The following RPAP3 variants were observed in gnomAD, a reference collection of about 807,000 sequenced individuals.
RPAP3 encodes the protein RNA polymerase II associated protein 3.
A neutral mutation model predicts 88.8 loss-of-function variants in RPAP3; 58 were observed. The ratio of observed to expected loss-of-function variants is 0.65; its 90% CI spans 0.53 to 0.81. RPAP3 has a LOEUF of 0.81. Among genes scored for constraint, RPAP3 ranks in the 40% least tolerant of loss-of-function variants. The probability of loss-of-function intolerance (pLI) is 0.00; values close to 1 mark genes in which losing one functional copy is unlikely to be tolerated. For synonymous variants in RPAP3, 255 were observed against 259.9 expected (o/e 0.98, Z 0.18); for missense variants, 751 against 764.3 (o/e 0.98, Z 0.20).
chr12:47,701,645 C>G (rs1939656819), intron 2 of RPAP3, 41 bp from the exon 3 acceptor site: 2 of 1,423,850 alleles, frequency 1.4e-6, no homozygotes, highest in African/African-American at 2.9e-5. Context: ...GAGTATTATG[C>G]TCTGTTACTC....
intron 8 of RPAP3, among the ~76,000 whole-genome samples, chr12:47,687,669 T>G (rs2136630851): frequency 6.6e-6 from 1 of 152,286 alleles, no homozygotes; most frequent in East Asian, 1.9e-4. Context: ...TAAGTGTTTC[T>G]ATAGTTATTT....
intron 5 of RPAP3, among the ~76,000 whole-genome samples, chr12:47,690,957 A>G (rs1038402177): frequency 7.9e-5 from 12 of 152,238 alleles, no homozygotes; most frequent in African/African-American, 2.9e-4. Context: ...CTTTATGTCT[A>G]AATAACAATG....
In RPAP3 at chr12:47,679,512, G is replaced by A. The variant is rs1055715545; in HGVS notation, c.1268C>T (p.Pro423Leu). 2.2e-5 allele frequency: 35 copies of A among 1,600,552 alleles called. No homozygotes were observed. The highest frequency in any genetic ancestry group is 3.0e-5 in the Non-Finnish European group (35 of 1,171,530). Residue 423 changes from proline (P) to leucine (L), a missense_variant, in exon 12 of 17, where the codon CCA becomes CTA. Coordinates refer to ENST00000005386, the MANE Select transcript of RPAP3 (RefSeq NM_024604.3). ...ACTTACAGTTGATCCAGGATGCGGTGGATTATCAATGGGTTTTACCACATT... is the reference window on the plus strand; with the variant it reads ...ACTTACAGTTGATCCAGGATGCGGTAGATTATCAATGGGTTTTACCACATT... ...RQNVVKPIDN[P>L]PHPGSTKPLK...
chr12:47,687,849 T>A, intron 8 of RPAP3, 27 bp downstream of exon 8: 2 of 1,606,742 alleles, frequency 1.2e-6, no homozygotes, highest in South Asian at 2.2e-5. Flanking sequence ...AACATATACA[T>A]TGTACGTTGG....
Position 47,697,592 on chromosome 12 carries a change from A to C in RPAP3, c.417+5T>G, listed in dbSNP as rs749154118. ...GAAAAAAAACAAAACCTAACTAATTAGTACCTTTTCTTTTAAAACAAGAGC... is the reference window on the plus strand; with the variant it reads ...GAAAAAAAACAAAACCTAACTAATTCGTACCTTTTCTTTTAAAACAAGAGC... On this transcript the variant is annotated splice_donor_5th_base_variant and intron_variant, in intron 4 of 16. Transcript: ENST00000005386. The C allele has an allele frequency of 1.3e-6, 2 of 1,591,848 alleles. No individual in the cohort carries two copies.
chr12:47,702,978 C>T (rs1345142228), intron 1 of RPAP3, 132 bp from the exon 2 acceptor site: 4 of 456,452 alleles, frequency 8.8e-6, no homozygotes, highest in Non-Finnish European at 1.5e-5. Context: ...CCAACTGATG[C>T]TGAATAAAGA....
intron 5 of RPAP3, among the ~76,000 whole-genome samples, chr12:47,691,004 T>C (rs1029005987): frequency 6.6e-6 from 1 of 152,242 alleles, no homozygotes; most frequent in African/African-American, 2.4e-5. Context: ...TGCTAAAAAA[T>C]GCTAATAAAA....
At chr12:47,697,558 T>C (rs1308659523) in intron 4 of RPAP3, 39 bp downstream of exon 4, 12 of 1,560,406 alleles carry the variant, frequency 7.7e-6, no homozygotes, top group Non-Finnish European at 1.0e-5. Flanking sequence ...CAACATCTCC[T>C]GCTTACATGA....
chr12:47,690,387 T>G, intron 6 of RPAP3, 131 bp downstream of exon 6: 1 of 665,976 alleles, frequency 1.5e-6, no homozygotes, highest in South Asian at 4.6e-5. Flanking sequence ...ATCATTTCAG[T>G]TGCAAAAATG....
chr12:47,670,529 C>G (rs1214403440), intron 12 of RPAP3, among the ~76,000 whole-genome samples, 184 bp from the exon 13 acceptor site: 2 of 152,084 alleles, frequency 1.3e-5, no homozygotes, highest in African/African-American at 2.4e-5. Context: ...AAGCACTTAT[C>G]CCAGGTAGGT....
chr12:47,691,341 G>A (rs1364476461), intron 5 of RPAP3, among the ~76,000 whole-genome samples: 1 of 152,102 alleles, frequency 6.6e-6, no homozygotes, highest in Admixed American at 6.5e-5. Context: ...ATACAAGATT[G>A]CAGCAATTCG....
chr12:47,702,552 C>CAA, intron 2 of RPAP3, 136 bp downstream of exon 2: 6 of 744,740 alleles, frequency 8.1e-6, no homozygotes, highest in Admixed American at 3.3e-5. Flanking sequence ...GACTCCATCA[C>CAA]AAAAAAAAAG....
intron 5 of RPAP3, among the ~76,000 whole-genome samples, chr12:47,691,744 CT>C (rs573419183): frequency 3.0e-4 from 45 of 148,176 alleles, no homozygotes; most frequent in Non-Finnish European, 4.1e-4. Flanking sequence ...GAAATAAATC[CT>C]TTTTTTTTTC....
In RPAP3 at chr12:47,663,388, T is replaced by C. The variant is rs1303610209; in HGVS notation, c.*117A>G. The C allele has an allele frequency of 9.5e-6, 6 of 631,578 alleles. No individual in the cohort carries two copies. The highest frequency in any genetic ancestry group is 1.6e-5 in the Non-Finnish European group (6 of 363,830). The allele number at this position is 631,578 out of a possible 1,614,324, so 39.1% of individuals were successfully genotyped here. A position where few individuals can be genotyped will look rare whatever the true frequency, so the allele number is the denominator to read the frequency against. ...ATTCACCTTATAGTTAATTAACTTATGTTCAAAGATAGTCCTTTCCTGCTA... is the reference window on the plus strand; with the variant it reads ...ATTCACCTTATAGTTAATTAACTTACGTTCAAAGATAGTCCTTTCCTGCTA... On this transcript the variant is annotated 3_prime_UTR_variant, in exon 17 of 17. Coordinates refer to ENST00000005386, the MANE Select transcript of RPAP3 (RefSeq NM_024604.3).
intron 14 of RPAP3, 74 bp from the exon 15 acceptor site, chr12:47,667,925 G>A: frequency 1.0e-6 from 1 of 966,496 alleles, no homozygotes; most frequent in East Asian, 2.6e-5. Context: ...CAATTGCTTG[G>A]GTAAAAATAG....
intron 12 of RPAP3, 124 bp from the exon 13 acceptor site, chr12:47,670,469 T>A (rs915495272): frequency 6.4e-6 from 4 of 622,154 alleles, no homozygotes; most frequent in Non-Finnish European, 1.1e-5. Context: ...TTCAATTTGG[T>A]GGCTAGACAG....
chr12:47,696,183 C>G (rs1208475828), intron 5 of RPAP3, 93 bp downstream of exon 5: 2 of 1,045,280 alleles, frequency 1.9e-6, no homozygotes, highest in African/African-American at 1.6e-5. Flanking sequence ...CATTTTCAAT[C>G]TGTCCTCCAC....
intron 6 of RPAP3, among the ~76,000 whole-genome samples, chr12:47,689,877 C>A (rs1939395675): frequency 6.6e-6 from 1 of 152,106 alleles, no homozygotes; most frequent in East Asian, 1.9e-4. Context: ...CCTGTCTCTA[C>A]TAAAATTACA....
At chr12:47,687,737 G>T in intron 8 of RPAP3, 139 bp downstream of exon 8, 1 of 915,610 alleles carries the variant, frequency 1.1e-6, no homozygotes, top group Non-Finnish European at 1.6e-6. Context: ...AGGTCCCAGA[G>T]GCTTTAGTGC....
Sources: allele counts gnomAD v4.1 joint callset (sites outside exome capture counted in the v4.1 genomes callset), GRCh38; gene constraint gnomAD v4.1.1; transcripts MANE v1.5; gene names NCBI Gene and HGNC (gene_info 2026-07-23, HGNC 2026-07-21).